The following NFATC3 variants were observed in gnomAD, a reference collection of about 807,000 sequenced individuals.
NFATC3 encodes nuclear factor of activated T-cells, cytoplasmic 3.
Under a neutral mutation model 98.6 loss-of-function variants are expected in NFATC3, and 46 were observed. That is an observed-to-expected ratio of 0.47 (90% confidence interval 0.37 to 0.60). The LOEUF (loss-of-function observed/expected upper bound fraction) is 0.60. Ranked by LOEUF, NFATC3 falls within the 20% of genes least tolerant of loss-of-function variation. NFATC3 has a pLI of 0.00. For missense variants in NFATC3, 1,256 were observed against 1,295.5 expected, an observed-to-expected ratio of 0.97 and a Z score of 0.47; for synonymous variants, 512 against 472.2, an observed-to-expected ratio of 1.08 and a Z score of -1.09.
chr16:68,092,906 C>G (rs915842390), intron 1 of NFATC3, among the ~76,000 whole-genome samples: 3 of 152,286 alleles, frequency 2.0e-5, no homozygotes, highest in Admixed American at 1.3e-4. Flanking sequence ...TTGTTTCCCC[C>G]CTTCTCTCTG....
At chr16:68,187,967 G>T (rs1331423273) in intron 8 of NFATC3, among the ~76,000 whole-genome samples, 1 of 152,084 alleles carries the variant, frequency 6.6e-6, no homozygotes, top group Non-Finnish European at 1.5e-5. Context: ...GGTTGTTTCT[G>T]TCAAGGGGCG....
In NFATC3 at chr16:68,158,065, C is replaced by A. The variant is rs2038703544; in HGVS notation, c.1598C>A (p.Ala533Asp). ...CTTCTTCCTGAAAATAATATGTCAG[C>A]CAGGTATTTTGAAATATACCTAAAA... is the stretch of plus-strand genomic sequence containing the variant. ...IPLLPENNMS[A>D]SIDCAGILKL... The change falls in exon 4 of 10, where the codon GCC becomes GAC. Residue 533 changes from alanine to aspartate, a missense_variant. Transcript: ENST00000346183. 1 of 1,607,912 alleles carries A rather than the reference C, an allele frequency of 6.2e-7. No individual in the cohort carries two copies. The highest frequency in any genetic ancestry group is 8.5e-7 in the Non-Finnish European group (1 of 1,176,182).
At chr16:68,209,217 A>G (rs1310519520) in intron 9 of NFATC3, among the ~76,000 whole-genome samples, 1 of 152,136 alleles carries the variant, frequency 6.6e-6, no homozygotes, top group Non-Finnish European at 1.5e-5. Context: ...ATTTTGATAA[A>G]TGAGTTGGGC....
At chr16:68,121,856 C>T in intron 1 of NFATC3, 131 bp from the exon 2 acceptor site, 2 of 1,045,040 alleles carry the variant, frequency 1.9e-6, no homozygotes, top group Admixed American at 2.8e-5. Flanking sequence ...GAGCTAATGA[C>T]ATACATTTTA....
At chr16:68,115,315 G>C (rs1567504646) in intron 1 of NFATC3, among the ~76,000 whole-genome samples, 1 of 151,986 alleles carries the variant, frequency 6.6e-6, no homozygotes, top group Non-Finnish European at 1.5e-5. Context: ...ACCTGCCTCA[G>C]CTTCCCAAAT....
In NFATC3 at chr16:68,229,198, G is replaced by A. The variant is rs2042091870; in HGVS notation, c.*2727G>A. 1 of 152,238 alleles carries A rather than the reference G, an allele frequency of 6.6e-6. No individual in the cohort carries two copies. Among genetic ancestry groups the A allele is most frequent in the Admixed American group, 6.5e-5 (1 of 15,280 alleles). 9.4% of individuals were successfully genotyped at this position (152,238 alleles called of 1,614,324 possible). A position where few individuals can be genotyped will look rare whatever the true frequency, so the allele number is the denominator to read the frequency against. ...TTACACAAATACAAAGGGAAGAAGA[G>A]CCAGCAGTTGAGGCTCCTCAGTTTT... On this transcript the variant is annotated 3_prime_UTR_variant, in exon 10 of 10. Coordinates refer to ENST00000346183, the MANE Select transcript of NFATC3 (RefSeq NM_173165.3).
intron 3 of NFATC3, chr16:68,138,585 G>A (rs1470470275): frequency 1.6e-6 from 2 of 1,289,086 alleles, no homozygotes; most frequent in African/African-American, 3.0e-5. Flanking sequence ...AGAAGAAGGT[G>A]TATGGAAAGC....
intron 1 of NFATC3, among the ~76,000 whole-genome samples, chr16:68,090,503 A>C (rs1218290491): frequency 1.3e-5 from 2 of 152,144 alleles, no homozygotes; most frequent in Non-Finnish European, 2.9e-5. Flanking sequence ...CAGCAATTTA[A>C]ACCTTACATG....
rs1263760920 is a variant in NFATC3, at chr16:68,226,979, A to G, written c.*508A>G. ...AAAAAAATATCCCAAGCCCACACCT[A>G]TGCCTCAGAAAGTCAGCATGTGTCC... On this transcript the variant is annotated 3_prime_UTR_variant, in exon 10 of 10. Transcript: ENST00000346183. 3.3e-5 allele frequency: 5 copies of G among 151,904 alleles called. No individual in the cohort carries two copies. Among genetic ancestry groups the G allele is most frequent in the Middle Eastern group, 3.4e-3 (1 of 292 alleles). 9.4% of individuals were successfully genotyped at this position (151,904 alleles called of 1,614,324 possible).
At chr16:68,203,265 A>G (rs946591130) in intron 9 of NFATC3, among the ~76,000 whole-genome samples, 4 of 152,234 alleles carry the variant, frequency 2.6e-5, no homozygotes, top group Non-Finnish European at 4.4e-5. Context: ...TTCCATGGAC[A>G]TAAATAAGTT....
intron 7 of NFATC3, among the ~76,000 whole-genome samples, chr16:68,181,999 G>A (rs1179479778): frequency 6.6e-6 from 1 of 152,090 alleles, no homozygotes; most frequent in African/African-American, 2.4e-5. Context: ...TTAAAGTTTA[G>A]AAAAGATAAC....
chr16:68,111,747 G>A (rs1008586190), intron 1 of NFATC3, among the ~76,000 whole-genome samples: 1 of 152,174 alleles, frequency 6.6e-6, no homozygotes, highest in Admixed American at 6.5e-5. Flanking sequence ...GTGTGTTTTT[G>A]TAGTGGCTGA....
intron 1 of NFATC3, among the ~76,000 whole-genome samples, chr16:68,110,656 C>G (rs1053878043): frequency 6.6e-6 from 1 of 151,800 alleles, no homozygotes; most frequent in African/African-American, 2.4e-5. Flanking sequence ...CTGTCTCCTT[C>G]AGTTCTGCTC....
intron 6 of NFATC3, among the ~76,000 whole-genome samples, chr16:68,175,536 GTT>G (rs2039651303): frequency 6.6e-6 from 1 of 151,834 alleles, no homozygotes. Flanking sequence ...TTTCCTCTCA[GTT>G]TTAAAAATGT....
intron 8 of NFATC3, among the ~76,000 whole-genome samples, chr16:68,186,558 AAAC>A (rs1567539595): frequency 6.6e-6 from 1 of 152,132 alleles, no homozygotes; most frequent in African/African-American, 2.4e-5. Context: ...AACAAAAACA[AAAC>A]AACAACAAAA....
At chr16:68,141,707 T>G (rs1239839902) in intron 3 of NFATC3, among the ~76,000 whole-genome samples, 1 of 152,216 alleles carries the variant, frequency 6.6e-6, no homozygotes, top group Non-Finnish European at 1.5e-5. Context: ...ATTCTGGGTA[T>G]TAGTCCTTTA....
At chr16:68,185,778 G>A (rs948201533) in intron 8 of NFATC3, among the ~76,000 whole-genome samples, 2 of 149,648 alleles carry the variant, frequency 1.3e-5, no homozygotes, top group African/African-American at 4.9e-5. Context: ...CAGGAGAATG[G>A]CATGAACCCG....
intron 3 of NFATC3, among the ~76,000 whole-genome samples, chr16:68,139,593 G>C (rs2037635938): frequency 6.6e-6 from 1 of 152,200 alleles, no homozygotes; most frequent in African/African-American, 2.4e-5. Flanking sequence ...AAAGAGCTAA[G>C]AAATTTCTGA....
chr16:68,211,951 A>G (rs889322522), intron 9 of NFATC3, among the ~76,000 whole-genome samples: 10 of 152,238 alleles, frequency 6.6e-5, no homozygotes, highest in African/African-American at 2.4e-4. Flanking sequence ...GTAAAGCACA[A>G]TCTGAAAGTA....
Sources: allele counts gnomAD v4.1 joint callset (sites outside exome capture counted in the v4.1 genomes callset), GRCh38; gene constraint gnomAD v4.1.1; transcripts MANE v1.5; gene names NCBI Gene and HGNC (gene_info 2026-07-23, HGNC 2026-07-21).